KDM4C: variants seen among roughly 807,000 people sequenced by gnomAD.
KDM4C encodes the protein lysine-specific demethylase 4C.
A neutral mutation model predicts 129.3 loss-of-function variants in KDM4C; 81 were observed. The observed-to-expected ratio is 0.63, with a 90% CI of 0.52 to 0.75. KDM4C has a LOEUF of 0.75. Ranked by LOEUF, KDM4C falls within the 30% of genes least tolerant of loss-of-function variation. The probability of loss-of-function intolerance (pLI) is 0.00; values close to 1 mark genes in which losing one functional copy is unlikely to be tolerated. For synonymous variants in KDM4C, 573 were observed against 456.1 expected (o/e 1.26, Z -3.26); for missense variants, 1,457 against 1,304.0 (o/e 1.12, Z -1.81).
intron 5 of KDM4C, among the ~76,000 whole-genome samples, chr9:6,856,528 C>G (rs888823977): frequency 2.8e-5 from 4 of 143,256 alleles, no homozygotes; most frequent in African/African-American, 5.3e-5. Flanking sequence ...AGGCATATCT[C>G]TCTCTGTGTG....
rs564115000 is a variant in KDM4C at position 7,019,940 on chromosome 9, C to T, written c.2259+4011C>T. Among the ~76,000 whole-genome samples, 24 of 151,756 alleles carry T rather than the reference C, an allele frequency of 1.6e-4. No homozygotes were observed. In the East Asian group the frequency reaches 4.3e-3, roughly 27 times the overall value. On this transcript the variant is annotated intron_variant, in intron 15 of 21. Coordinates refer to ENST00000381309, the MANE Select transcript of KDM4C (RefSeq NM_015061.6). Reference sequence around the variant, plus strand: ...GCTGGAGTCAATAATCATAGATCAGCTCTCTTTTTATTTTCCAATTCTAAA... The same window carrying T: ...GCTGGAGTCAATAATCATAGATCAGTTCTCTTTTTATTTTCCAATTCTAAA...
chr9:6,846,204 A>C (rs1026790861), intron 4 of KDM4C, among the ~76,000 whole-genome samples: 1 of 152,224 alleles, frequency 6.6e-6, no homozygotes, highest in Non-Finnish European at 1.5e-5. Flanking sequence ...CTAGAAGCAT[A>C]AACCTTTAAA....
At chr9:7,087,235 C>G (rs955647048) in intron 17 of KDM4C, among the ~76,000 whole-genome samples, 1 of 151,074 alleles carries the variant, frequency 6.6e-6, no homozygotes. Context: ...ATTACTGCAA[C>G]AAAACCCCTC....
intron 11 of KDM4C, among the ~76,000 whole-genome samples, chr9:6,989,509 G>A (rs1484613354): frequency 2.0e-5 from 3 of 152,024 alleles, no homozygotes; most frequent in Non-Finnish European, 4.4e-5. Flanking sequence ...GTAAATCCCA[G>A]GACAAAAAAA....
chr9:6,811,213 G>T (rs1326448650), intron 3 of KDM4C, among the ~76,000 whole-genome samples: 1 of 152,124 alleles, frequency 6.6e-6, no homozygotes, highest in Non-Finnish European at 1.5e-5. Context: ...GAGTGCAGTG[G>T]CGTGATCTCG....
In KDM4C at chr9:6,863,655, G is replaced by A. The variant is rs141935782; in HGVS notation, c.629+13955G>A. 2.8e-3 allele frequency among the ~76,000 whole-genome samples: 423 copies of A among 152,084 alleles called. 2 individuals are homozygous for A. Among genetic ancestry groups the A allele is most frequent in the African/African-American group, 9.6e-3 (400 of 41,478 alleles). ...ACTAAAAATACAAAAAATTAGCCAGGCGTGGTGGCGGGCGCCTGTAGTTCC... is the reference window on the plus strand; with the variant it reads ...ACTAAAAATACAAAAAATTAGCCAGACGTGGTGGCGGGCGCCTGTAGTTCC... On this transcript the variant is annotated intron_variant, in intron 5 of 21. Coordinates refer to ENST00000381309, the MANE Select transcript of KDM4C (RefSeq NM_015061.6).
At chr9:7,133,102 T>C (rs144232738) in intron 19 of KDM4C, among the ~76,000 whole-genome samples, 148 of 152,288 alleles carry the variant, frequency 9.7e-4, no homozygotes, top group African/African-American at 3.5e-3. Context: ...TTTGCTTAAA[T>C]TTTCCAGCCC....
chr9:6,812,222 A>G (rs1254018138), intron 3 of KDM4C, among the ~76,000 whole-genome samples: 10 of 151,566 alleles, frequency 6.6e-5, no homozygotes, highest in African/African-American at 1.9e-4. Context: ...GGGTGACAGA[A>G]CAAGACTCTC....
intron 18 of KDM4C, among the ~76,000 whole-genome samples, chr9:7,117,828 A>G (rs1587726605): frequency 1.3e-5 from 2 of 152,268 alleles, no homozygotes; most frequent in African/African-American, 4.8e-5. Flanking sequence ...CAGTAATGAA[A>G]TTGGATGTGA....
At chr9:7,038,213 G>T (rs1827978538) in intron 15 of KDM4C, among the ~76,000 whole-genome samples, 1 of 151,992 alleles carries the variant, frequency 6.6e-6, no homozygotes, top group Non-Finnish European at 1.5e-5. Flanking sequence ...ATTTCTTTAT[G>T]TGTGTGTCTG....
intron 8 of KDM4C, among the ~76,000 whole-genome samples, chr9:6,908,774 A>G (rs1052474736): frequency 1.3e-5 from 2 of 152,178 alleles, no homozygotes; most frequent in Non-Finnish European, 2.9e-5. Flanking sequence ...GAATCCTAGC[A>G]TTGTCATTTA....
chr9:7,103,561 CTTG>C, intron 17 of KDM4C, 121 bp from the exon 18 acceptor site: 3 of 754,686 alleles, frequency 4.0e-6, no homozygotes, highest in Admixed American at 2.8e-5. Flanking sequence ...GGGGTCAGGA[CTTG>C]TTGATGTAAT....
At chr9:6,774,542 G>A (rs535869139) in intron 1 of KDM4C, among the ~76,000 whole-genome samples, 3 of 152,224 alleles carry the variant, frequency 2.0e-5, no homozygotes, top group Admixed American at 6.5e-5. Context: ...GCACACACCC[G>A]TAATCCCAGC....
Position 6,913,732 on chromosome 9 carries a change from A to G in KDM4C, c.921+20500A>G, listed in dbSNP as rs148554184. Among the ~76,000 whole-genome samples the G allele has an allele frequency of 1.7e-3, 265 of 152,354 alleles. 2 individuals carry two copies. The highest frequency in any genetic ancestry group is 6.0e-3 in the African/African-American group (250 of 41,602). Reference sequence around the variant, plus strand: ...GGACAGTTTCTACTCTATTATGATAATCCATATAAGCAGAATCACAAAATT... The same window carrying G: ...GGACAGTTTCTACTCTATTATGATAGTCCATATAAGCAGAATCACAAAATT... On this transcript the variant is annotated intron_variant, in intron 8 of 21. Transcript: ENST00000381309.
At chr9:6,866,246 T>C (rs1381527973) in intron 5 of KDM4C, among the ~76,000 whole-genome samples, 1 of 152,172 alleles carries the variant, frequency 6.6e-6, no homozygotes, top group Non-Finnish European at 1.5e-5. Flanking sequence ...TTACCTTGGA[T>C]TTATTTACCA....
intron 8 of KDM4C, among the ~76,000 whole-genome samples, chr9:6,969,045 T>A (rs965561378): frequency 6.6e-6 from 1 of 152,074 alleles, no homozygotes; most frequent in African/African-American, 2.4e-5. Context: ...AAATGATTCT[T>A]GTGCCTCGGC....
At chr9:6,953,108 A>G (rs775484557) in intron 8 of KDM4C, among the ~76,000 whole-genome samples, 4 of 152,232 alleles carry the variant, frequency 2.6e-5, no homozygotes, top group Non-Finnish European at 5.9e-5. Flanking sequence ...TTCCTTGCCA[A>G]CGTTTCTCTG....
chr9:7,120,014 G>A (rs1410004827), intron 18 of KDM4C, among the ~76,000 whole-genome samples: 2 of 152,058 alleles, frequency 1.3e-5, no homozygotes, highest in African/African-American at 2.4e-5. Context: ...TATTTTTAGT[G>A]AGCCATTAGT....
At chr9:6,868,916 T>C (rs570219729) in intron 5 of KDM4C, among the ~76,000 whole-genome samples, 1 of 152,306 alleles carries the variant, frequency 6.6e-6, no homozygotes, top group African/African-American at 2.4e-5. Context: ...CACTAAATTA[T>C]TTTCTACTTA....
Sources: allele counts gnomAD v4.1 joint callset (sites outside exome capture counted in the v4.1 genomes callset), GRCh38; gene constraint gnomAD v4.1.1; transcripts MANE v1.5; gene names NCBI Gene and HGNC (gene_info 2026-07-23, HGNC 2026-07-21).